The following LPP variants were observed in gnomAD, a reference collection of about 807,000 sequenced individuals.
LPP encodes LIM domain containing preferred translocation partner in lipoma, also known as lipoma-preferred partner.
In LPP, 38 loss-of-function variants were observed where a neutral mutation model predicts 60.4. The ratio of observed to expected loss-of-function variants is 0.63; its 90% CI spans 0.49 to 0.83. The LOEUF (loss-of-function observed/expected upper bound fraction) is 0.83, where lower values mean the gene tolerates loss of function less well. Ranked by LOEUF, LPP falls within the 40% of genes least tolerant of loss-of-function variation. The pLI, the probability that LPP is intolerant of heterozygous loss-of-function variation, is 0.00. For missense variants in LPP, 902 were observed against 783.6 expected, an observed-to-expected ratio of 1.15 and a Z score of -1.80; for synonymous variants, 328 against 290.8, an observed-to-expected ratio of 1.13 and a Z score of -1.30.
At chr3:188,285,041 A>G (rs1018254756) in intron 2 of LPP, among the ~76,000 whole-genome samples, 5 of 152,032 alleles carry the variant, frequency 3.3e-5, no homozygotes, top group Admixed American at 6.6e-5. Flanking sequence ...AAATGAACAA[A>G]CAGGGCATGT....
At chr3:188,690,441 A>T (rs146688709) in intron 7 of LPP, among the ~76,000 whole-genome samples, 1 of 152,208 alleles carries the variant, frequency 6.6e-6, no homozygotes, top group Non-Finnish European at 1.5e-5. Flanking sequence ...TCCCTGAAAG[A>T]TAAGTTTTTT....
intron 6 of LPP, among the ~76,000 whole-genome samples, chr3:188,607,323 C>T (rs1047320151): frequency 6.1e-5 from 8 of 131,486 alleles, no homozygotes; most frequent in Admixed American, 1.6e-4. Context: ...TGTGTGAGCA[C>T]GTTTCTGAAT....
At chr3:188,797,937 A>C (rs1306815051) in intron 9 of LPP, among the ~76,000 whole-genome samples, 2 of 152,196 alleles carry the variant, frequency 1.3e-5, no homozygotes, top group African/African-American at 4.8e-5. Flanking sequence ...CCATTTGCTT[A>C]TGAACTTGGA....
chr3:188,260,486 G>T (rs1413268138), intron 2 of LPP, among the ~76,000 whole-genome samples: 1 of 151,408 alleles, frequency 6.6e-6, no homozygotes, highest in Non-Finnish European at 1.5e-5. Flanking sequence ...TAAGTGGGCT[G>T]TTTATTATTA....
chr3:188,696,922 G>T (rs757026911), intron 7 of LPP, among the ~76,000 whole-genome samples: 6 of 152,034 alleles, frequency 3.9e-5, no homozygotes, highest in Admixed American at 1.3e-4. Flanking sequence ...ATTTAATATA[G>T]ATTTCATAGG....
chr3:188,870,301 G>T (rs1767781308), intron 10 of LPP, among the ~76,000 whole-genome samples: 1 of 152,126 alleles, frequency 6.6e-6, no homozygotes, highest in Admixed American at 6.5e-5. Context: ...GGAAGTCGTT[G>T]CTTATTCTTG....
intron 5 of LPP, among the ~76,000 whole-genome samples, chr3:188,493,613 A>G (rs763829978): frequency 1.3e-4 from 19 of 151,506 alleles, no homozygotes; most frequent in Non-Finnish European, 2.1e-4. Flanking sequence ...ATTTATTATT[A>G]TTTTATTTTT....
intron 2 of LPP, among the ~76,000 whole-genome samples, chr3:188,240,848 T>A (rs1724319865): frequency 6.6e-6 from 1 of 152,292 alleles, no homozygotes; most frequent in Admixed American, 6.5e-5. Flanking sequence ...TCTTAGTGAA[T>A]GAACCTCCCT....
intron 7 of LPP, among the ~76,000 whole-genome samples, chr3:188,655,046 T>G (rs1013266282): frequency 5.3e-5 from 8 of 152,222 alleles, no homozygotes; most frequent in Non-Finnish European, 1.2e-4. Context: ...CACCAGTTAT[T>G]AATCAGGTGA....
chr3:188,800,391 G>A (rs1179737901), intron 9 of LPP, among the ~76,000 whole-genome samples: 3 of 151,666 alleles, frequency 2.0e-5, no homozygotes, highest in Non-Finnish European at 4.4e-5. Flanking sequence ...GACTACAGGT[G>A]TCTGCCACCA....
In LPP at chr3:188,887,331, C is replaced by G. The variant is rs1227578232; in HGVS notation, c.*12852C>G. 2.3e-5 allele frequency: 5 copies of G among 217,290 alleles called. No homozygotes were observed. Among genetic ancestry groups the G allele is most frequent in the Non-Finnish European group, 4.6e-5 (5 of 108,100 alleles). The allele number at this position is 217,290 out of a possible 1,614,324, so 13.5% of individuals were successfully genotyped here. ...TCAGTTCCTTCTTCTCTCTCTTTCT[C>G]TTTGGGTGACAGCAATGCTCACTTA... is the stretch of plus-strand genomic sequence containing the variant. On this transcript the variant is annotated 3_prime_UTR_variant, in exon 12 of 12. Transcript: ENST00000617246.
chr3:188,289,207 C>G (rs569375711), intron 2 of LPP, among the ~76,000 whole-genome samples: 1 of 152,260 alleles, frequency 6.6e-6, no homozygotes, highest in African/African-American at 2.4e-5. Context: ...TGAATCATAG[C>G]ACGTCTAAAA....
upstream of LPP, chr3:188,153,051 T>A (rs1715047660): frequency 6.6e-6 from 1 of 152,120 alleles, no homozygotes. Context: ...CTGAAGCAAC[T>A]GATTGTCATT....
intron 5 of LPP, among the ~76,000 whole-genome samples, chr3:188,486,103 TA>T (rs1258655896): frequency 1.3e-5 from 2 of 152,200 alleles, no homozygotes; most frequent in Non-Finnish European, 2.9e-5. Flanking sequence ...GATATTTTGA[TA>T]TAGGCATACA....
intron 2 of LPP, among the ~76,000 whole-genome samples, chr3:188,228,618 T>G (rs1718695392): frequency 6.6e-6 from 1 of 152,198 alleles, no homozygotes; most frequent in Non-Finnish European, 1.5e-5. Context: ...ACCCTGTCTC[T>G]ACAACTAAAC....
At chr3:188,389,927 G>A (rs1452967124) in intron 3 of LPP, among the ~76,000 whole-genome samples, 2 of 152,094 alleles carry the variant, frequency 1.3e-5, no homozygotes, top group African/African-American at 4.8e-5. Context: ...ATCTGCCTTT[G>A]CATTTCTGTT....
At chr3:188,239,407 G>A (rs2149430558) in intron 2 of LPP, among the ~76,000 whole-genome samples, 1 of 152,304 alleles carries the variant, frequency 6.6e-6, no homozygotes, top group East Asian at 1.9e-4. Flanking sequence ...GAGTATTATG[G>A]TCTTTGCTGT....
chr3:188,378,604 C>T (rs374021452), intron 3 of LPP, among the ~76,000 whole-genome samples: 19 of 152,098 alleles, frequency 1.2e-4, no homozygotes, highest in African/African-American at 1.9e-4. Context: ...TTCCAGGTGC[C>T]GTCTGTCATC....
intron 3 of LPP, among the ~76,000 whole-genome samples, chr3:188,366,552 C>T (rs969490813): frequency 3.3e-5 from 5 of 152,174 alleles, no homozygotes; most frequent in Non-Finnish European, 7.3e-5. Flanking sequence ...GCTGCACTCT[C>T]GCCTGAATTC....
Sources: allele counts gnomAD v4.1 joint callset (sites outside exome capture counted in the v4.1 genomes callset), GRCh38; gene constraint gnomAD v4.1.1; transcripts MANE v1.5; gene names NCBI Gene and HGNC (gene_info 2026-07-23, HGNC 2026-07-21).